Variants in TLK2 observed in about 807,000 individuals in gnomAD.
The protein encoded by TLK2 is serine/threonine-protein kinase tousled-like 2.
In TLK2, 6 loss-of-function variants were observed where a neutral mutation model predicts 117.3. The observed-to-expected ratio is 0.05, with a 90% CI of 0.03 to 0.10. The LOEUF (loss-of-function observed/expected upper bound fraction) is 0.10, where lower values mean the gene tolerates loss of function less well. Among genes scored for constraint, TLK2 ranks in the 10% least tolerant of loss-of-function variants. TLK2 has a pLI of 1.00. For synonymous variants in TLK2, 257 were observed against 316.7 expected, an observed-to-expected ratio of 0.81 and a Z score of 2.00; for missense variants, 299 against 901.2, an observed-to-expected ratio of 0.33 and a Z score of 8.56.
chr17:62,574,554 G>A (rs982200271), intron 12 of TLK2: 18 of 609,954 alleles, frequency 3.0e-5, no homozygotes, highest in Non-Finnish European at 4.6e-5. Context: ...GTCTCACTCC[G>A]TCGCCCAGGC....
At chr17:62,496,767 A>C (rs950113573) in intron 2 of TLK2, among the ~76,000 whole-genome samples, 2 of 152,078 alleles carry the variant, frequency 1.3e-5, no homozygotes, top group Non-Finnish European at 1.5e-5. Flanking sequence ...CATCCTGGCT[A>C]ACATAGTGAA....
chr17:62,560,507 G>A (rs1172069926), intron 10 of TLK2, among the ~76,000 whole-genome samples: 2 of 150,856 alleles, frequency 1.3e-5, no homozygotes, highest in African/African-American at 4.9e-5. Context: ...AATAACTTAT[G>A]TATATAATAA....
intron 11 of TLK2, among the ~76,000 whole-genome samples, chr17:62,567,250 A>G (rs2079869926): frequency 6.6e-6 from 1 of 152,164 alleles, no homozygotes; most frequent in Admixed American, 6.5e-5. Context: ...AAAACAAAAC[A>G]AAAAGAAGTG....
chr17:62,502,028 A>ATTTTTTTTTTTTT (rs746988825), intron 2 of TLK2, among the ~76,000 whole-genome samples: 8 of 134,302 alleles, frequency 6.0e-5, no homozygotes, highest in Non-Finnish European at 8.0e-5. Flanking sequence ...AAAAAATACC[A>ATTTTTTTTTTTTT]ATTTTTTTTT....
intron 7 of TLK2, among the ~76,000 whole-genome samples, chr17:62,543,255 T>C (rs1417894335): frequency 1.3e-5 from 2 of 152,212 alleles, no homozygotes; most frequent in Non-Finnish European, 2.9e-5. Context: ...CTTTTACCAG[T>C]CGATGGACAT....
chr17:62,489,952 T>A (rs36122742), intron 2 of TLK2, among the ~76,000 whole-genome samples: 7,286 of 152,266 alleles, frequency 0.048, 227 homozygotes, highest in Non-Finnish European at 0.068. Context: ...TGTGTCAGCC[T>A]CCTGAGTAGC....
At chr17:62,551,592 C>G (rs1243492596) in intron 7 of TLK2, 1 of 152,346 alleles carries the variant, frequency 6.6e-6, no homozygotes, top group African/African-American at 2.4e-5. Context: ...GTAGTCCCAG[C>G]TACTCGGGAG....
At chr17:62,585,195 A>T (rs2081521338) in intron 15 of TLK2, among the ~76,000 whole-genome samples, 2 of 152,202 alleles carry the variant, frequency 1.3e-5, no homozygotes, top group Non-Finnish European at 2.9e-5. Flanking sequence ...CTGCCTCTGG[A>T]CAGTGCTGGA....
rs750929510 is a variant in TLK2 at position 62,606,151 on chromosome 17, T to C, written c.1881T>C (p.Phe627=). ...GTYWYLPPEC[F]VVGKEPPKIS... ...CCAGGTATTTACCACCAGAGTGTTT[T>C]GTGGTTGGGAAAGAACCACCAAAGA... Residue 627 remains phenylalanine, a synonymous_variant, in exon 20 of 22, where the codon TTT becomes TTC. Transcript: ENST00000346027. 6.4e-7 allele frequency: 1 copy of C among 1,574,800 alleles called. No individual in the cohort carries two copies. The highest frequency in any genetic ancestry group is 8.7e-7 in the Non-Finnish European group (1 of 1,153,396).
At chr17:62,518,746 A>C (rs1407196959) in intron 2 of TLK2, among the ~76,000 whole-genome samples, 2 of 152,178 alleles carry the variant, frequency 1.3e-5, no homozygotes, top group Non-Finnish European at 2.9e-5. Flanking sequence ...AAAATGATTA[A>C]GAAGAACAAT....
intron 2 of TLK2, among the ~76,000 whole-genome samples, chr17:62,508,783 CATGGT>C (rs1256739230): frequency 6.6e-6 from 1 of 152,134 alleles, no homozygotes; most frequent in Non-Finnish European, 1.5e-5. Context: ...GCCTGGGCAA[CATGGT>C]AAAACCCTGT....
intron 19 of TLK2, among the ~76,000 whole-genome samples, chr17:62,605,322 G>T (rs2083202752): frequency 6.6e-6 from 1 of 152,114 alleles, no homozygotes; most frequent in African/African-American, 2.4e-5. Flanking sequence ...ACCACTCTTA[G>T]GAAATTGAGA....
At chr17:62,589,862 A>G (rs1055066368) in intron 16 of TLK2, among the ~76,000 whole-genome samples, 5 of 151,918 alleles carry the variant, frequency 3.3e-5, no homozygotes, top group Non-Finnish European at 5.9e-5. Context: ...ACTGGAGTGC[A>G]GTGGCGCGAT....
At chr17:62,542,470 C>T (rs1467465285) in intron 7 of TLK2, among the ~76,000 whole-genome samples, 1 of 152,188 alleles carries the variant, frequency 6.6e-6, no homozygotes, top group Non-Finnish European at 1.5e-5. Context: ...TTTAACATAA[C>T]TTTCACCCAG....
At chr17:62,607,930 A>G (rs1301635085) in intron 20 of TLK2, 111 bp from the exon 21 acceptor site, 2 of 858,582 alleles carry the variant, frequency 2.3e-6, no homozygotes, top group Admixed American at 5.8e-5. Context: ...AGTTCCTTGC[A>G]GCAATTCAAA....
At chr17:62,485,755 A>C (rs2072269277) in intron 2 of TLK2, among the ~76,000 whole-genome samples, 1 of 150,818 alleles carries the variant, frequency 6.6e-6, no homozygotes, top group Admixed American at 6.6e-5. Flanking sequence ...ACCTGGAGCC[A>C]TCGTCTTAGC....
rs1347514621 is a variant in TLK2, at chr17:62,479,288, C to T, written c.-8C>T. On this transcript the variant is annotated splice_region_variant and 5_prime_UTR_variant, in exon 1 of 22. Coordinates refer to ENST00000346027, the MANE Select transcript of TLK2 (RefSeq NM_006852.6). ...CGTGGAGCGGCGGCGGCGGCGGCGG[C>T]AGGTGAGAGGCTGAGCCCCGGGCGG... 3 of 167,268 alleles carry T rather than the reference C, an allele frequency of 1.8e-5. No individual in the cohort carries two copies. Among genetic ancestry groups the T allele is most frequent in the Non-Finnish European group, 3.7e-5 (3 of 80,294 alleles). The allele number at this position is 167,268 out of a possible 1,614,324, so 10.4% of individuals were successfully genotyped here. A position where few individuals can be genotyped will look rare whatever the true frequency, so the allele number is the denominator to read the frequency against.
In TLK2 at chr17:62,485,026, G is replaced by A. The variant is rs185216767; in HGVS notation, c.81+3820G>A. ...AGCCTGGGCGACAGAGCAAGGCTCCGTCTCAAAAAACAAAACAAAACAAAA... is the reference window on the plus strand; with the variant it reads ...AGCCTGGGCGACAGAGCAAGGCTCCATCTCAAAAAACAAAACAAAACAAAA... On this transcript the variant is annotated intron_variant, in intron 2 of 21. Coordinates refer to ENST00000346027, the MANE Select transcript of TLK2 (RefSeq NM_006852.6). Among the ~76,000 whole-genome samples, 866 of 152,172 alleles carry A rather than the reference G, an allele frequency of 5.7e-3. 3 individuals are homozygous for A. The highest frequency in any genetic ancestry group is 8.8e-3 in the Admixed American group (135 of 15,286).
intron 11 of TLK2, 88 bp downstream of exon 11, chr17:62,565,225 A>G (rs1274499128): frequency 8.1e-6 from 12 of 1,479,026 alleles, no homozygotes; most frequent in Admixed American, 6.8e-5. Context: ...TAATAATCCT[A>G]CTATTGGTAG....
Sources: allele counts gnomAD v4.1 joint callset (sites outside exome capture counted in the v4.1 genomes callset), GRCh38; gene constraint gnomAD v4.1.1; transcripts MANE v1.5; gene names NCBI Gene and HGNC (gene_info 2026-07-23, HGNC 2026-07-21).